Variants in VANGL1 observed in about 807,000 individuals in gnomAD.
VANGL1 encodes vang-like protein 1.
A neutral mutation model predicts 48.4 loss-of-function variants in VANGL1; 18 were observed. The ratio of observed to expected loss-of-function variants is 0.37; its 90% CI spans 0.26 to 0.55. The LOEUF is 0.55. Among genes scored for constraint, VANGL1 ranks in the 20% least tolerant of loss-of-function variants. The probability of loss-of-function intolerance (pLI) is 0.81; values close to 1 mark genes in which losing one functional copy is unlikely to be tolerated. For synonymous variants in VANGL1, 257 were observed against 261.8 expected, an observed-to-expected ratio of 0.98 and a Z score of 0.18; for missense variants, 667 against 675.8, an observed-to-expected ratio of 0.99 and a Z score of 0.14.
chr1:115,652,686 C>T (rs567702189), intron 2 of VANGL1, among the ~76,000 whole-genome samples: 5 of 152,262 alleles, frequency 3.3e-5, no homozygotes, highest in Non-Finnish European at 5.9e-5. Flanking sequence ...TCCCTGACTG[C>T]GCTCTTCCCC....
At chr1:115,679,368 G>A (rs1653286610) in intron 4 of VANGL1, among the ~76,000 whole-genome samples, 3 of 152,226 alleles carry the variant, frequency 2.0e-5, no homozygotes, top group Non-Finnish European at 4.4e-5. Flanking sequence ...ACCCAGGGCT[G>A]GCATCCCACA....
chr1:115,646,422 AT>A (rs1290287726), intron 1 of VANGL1, among the ~76,000 whole-genome samples: 1 of 147,472 alleles, frequency 6.8e-6, no homozygotes, highest in Non-Finnish European at 1.5e-5. Context: ...GCTGCTGCTG[AT>A]TTTTACTCAG....
At chr1:115,681,448 G>T (rs998081560) in intron 4 of VANGL1, among the ~76,000 whole-genome samples, 1 of 151,894 alleles carries the variant, frequency 6.6e-6, no homozygotes, top group Non-Finnish European at 1.5e-5. Flanking sequence ...ACTCCAAGGG[G>T]CAGGGGGACC....
chr1:115,655,706 C>T (rs1432498717), intron 2 of VANGL1, among the ~76,000 whole-genome samples: 1 of 152,156 alleles, frequency 6.6e-6, no homozygotes. Context: ...CTCTCCTGGT[C>T]TCCCATTTCC....
Position 115,685,563 on chromosome 1 carries a change from C to A in VANGL1, c.1314+36C>A, listed in dbSNP as rs541672946. 3.1e-5 allele frequency: 50 copies of A among 1,605,192 alleles called. No individual in the cohort carries two copies. The South Asian group carries it at 5.1e-4, about 16-fold the overall frequency. ...CCGGGCGGGCTCTGCCACCGTCATC[C>A]TGGCTTGTCACTGAGCTTGGCCAGT... On this transcript the variant is annotated intron_variant, in intron 7 of 7. Transcript: ENST00000355485.
chr1:115,642,620 T>C (rs1651775757), intron 1 of VANGL1: 1 of 152,178 alleles, frequency 6.6e-6, no homozygotes, highest in African/African-American at 2.4e-5. Context: ...AGCTGGTCTG[T>C]GTGCACACCT....
chr1:115,653,525 G>C (rs1230303557), intron 2 of VANGL1, among the ~76,000 whole-genome samples: 6 of 152,164 alleles, frequency 3.9e-5, no homozygotes, highest in Non-Finnish European at 8.8e-5. Context: ...TGGGTGCTTG[G>C]GGATGAACAA....
rs961390698 is a variant in VANGL1 at position 115,695,633 on chromosome 1, A to G, written c.*4254A>G. On this transcript the variant is annotated 3_prime_UTR_variant, in exon 8 of 8. Coordinates refer to ENST00000355485, the MANE Select transcript of VANGL1 (RefSeq NM_138959.3). Reference sequence around the variant, plus strand: ...TTGGTCAAAGAAAGGAAAGGCTACTAACACATTTATCAGGTAATGTATGTC... The same window carrying G: ...TTGGTCAAAGAAAGGAAAGGCTACTGACACATTTATCAGGTAATGTATGTC... 6.6e-6 allele frequency: 1 copy of G among 152,262 alleles called. No homozygotes were observed. The highest frequency in any genetic ancestry group is 1.5e-5 in the Non-Finnish European group (1 of 68,042). 9.4% of individuals were successfully genotyped at this position (152,262 alleles called of 1,614,324 possible). A position where few individuals can be genotyped will look rare whatever the true frequency, so the allele number is the denominator to read the frequency against.
In VANGL1 at chr1:115,692,073, C is replaced by A. The variant is rs41312690; in HGVS notation, c.*694C>A. ...CCTTTCCCAGCCCTGCAGCTGCCCA[C>A]CTGGCCTCCATGCCATCCTGCCCCC... On this transcript the variant is annotated 3_prime_UTR_variant, in exon 8 of 8. Transcript: ENST00000355485. 0.058 allele frequency: 8,941 copies of A among 153,640 alleles called. 305 individuals are homozygous for A. Among genetic ancestry groups the A allele is most frequent in the Admixed American group, 0.098 (1,503 of 15,310 alleles). 9.5% of individuals were successfully genotyped at this position (153,640 alleles called of 1,614,324 possible).
intron 1 of VANGL1, among the ~76,000 whole-genome samples, chr1:115,645,327 A>T (rs1046557180): frequency 6.6e-6 from 1 of 152,126 alleles, no homozygotes; most frequent in Non-Finnish European, 1.5e-5. Flanking sequence ...ATGCCATACA[A>T]CCCCTTCAGT....
At chr1:115,671,899 G>A (rs537829377) in intron 4 of VANGL1, among the ~76,000 whole-genome samples, 6 of 152,242 alleles carry the variant, frequency 3.9e-5, no homozygotes, top group South Asian at 2.1e-4. Flanking sequence ...AACTGGCTCA[G>A]CTCCTCAGGA....
At chr1:115,670,224 C>T (rs917030592) in intron 4 of VANGL1, among the ~76,000 whole-genome samples, 2 of 152,148 alleles carry the variant, frequency 1.3e-5, no homozygotes, top group Admixed American at 6.5e-5. Context: ...TGATCTTGGA[C>T]CCCCAACCTC....
chr1:115,681,990 A>G (rs546518263), intron 4 of VANGL1, among the ~76,000 whole-genome samples: 1 of 152,376 alleles, frequency 6.6e-6, no homozygotes, highest in Non-Finnish European at 1.5e-5. Context: ...AACCATTAGT[A>G]AGTCTCTTGC....
intron 3 of VANGL1, among the ~76,000 whole-genome samples, chr1:115,663,422 CAGAA>C (rs1202450846): frequency 6.6e-6 from 1 of 152,214 alleles, no homozygotes; most frequent in African/African-American, 2.4e-5. Context: ...GCCAAACAGA[CAGAA>C]AGATCACATT....
intron 4 of VANGL1, among the ~76,000 whole-genome samples, chr1:115,666,191 T>G (rs994740963): frequency 6.6e-6 from 1 of 152,152 alleles, no homozygotes; most frequent in African/African-American, 2.4e-5. Flanking sequence ...GGTGGTTTTG[T>G]TTTTTGGCCC....
chr1:115,691,132 G>T lies in VANGL1; in HGVS notation c.1328G>T (p.Arg443Leu), dbSNP rs554185566. 5 of 1,613,992 alleles carry T rather than the reference G, an allele frequency of 3.1e-6. No individual in the cohort carries two copies. In the Admixed American group the frequency reaches 5.0e-5, roughly 16 times the overall value. ...NGMTPKAFLE[R>L]YLSAGPTLQY... ...CTCTGCTTCCAGGCCTTCCTAGAAC[G>T]GTACCTCAGTGCGGGCCCCACCCTG... Residue 443 changes from arginine (R) to leucine (L), a missense_variant, in exon 8 of 8, where the codon CGG (arginine) becomes CTG (leucine). Transcript: ENST00000355485.
Position 115,665,934 on chromosome 1 carries a change from G to A in VANGL1, c.812+1666G>A, listed in dbSNP as rs377366511. On this transcript the variant is annotated intron_variant, in intron 4 of 7. Coordinates refer to ENST00000355485, the MANE Select transcript of VANGL1 (RefSeq NM_138959.3). Reference sequence around the variant, plus strand: ...CTCACAGTCACTTGGAAAGAGACCAGTGCACCGCTGTCTGGTGGACAGGTG... The same window carrying A: ...CTCACAGTCACTTGGAAAGAGACCAATGCACCGCTGTCTGGTGGACAGGTG... Among the ~76,000 whole-genome samples, 3 of 152,362 alleles carry A rather than the reference G, an allele frequency of 2.0e-5. No individual in the cohort carries two copies. The South Asian group carries it at 6.2e-4, about 32-fold the overall frequency.
At chr1:115,675,673 T>G (rs1304090294) in intron 4 of VANGL1, among the ~76,000 whole-genome samples, 2 of 152,082 alleles carry the variant, frequency 1.3e-5, no homozygotes, top group Non-Finnish European at 2.9e-5. Flanking sequence ...GCGCCTGTAA[T>G]CCCAGCTACT....
rs1257349474 is a variant in VANGL1 at position 115,689,666 on chromosome 1, A to G, written c.1315-1453A>G. On this transcript the variant is annotated intron_variant, in intron 7 of 7. Coordinates refer to ENST00000355485, the MANE Select transcript of VANGL1 (RefSeq NM_138959.3). ...AAAAAAAAGAGGATACTAGTTAAAA[A>G]CTGTTCTTCGCCAGGTGCAGTGGCT... 8.9e-5 allele frequency among the ~76,000 whole-genome samples: 12 copies of G among 134,370 alleles called. 1 individual carries two copies. In the South Asian group the frequency reaches 2.6e-3, roughly 29 times the overall value. The allele number at this position is 134,370 out of a possible 152,430, so 88.2% of individuals were successfully genotyped here.
Sources: gnomAD v4.1 joint callset for allele counts (sites outside exome capture counted in the v4.1 genomes callset) on GRCh38, gnomAD v4.1.1 for gene constraint, MANE v1.5 for transcripts, NCBI Gene and HGNC (gene_info 2026-07-23, HGNC 2026-07-21) for gene names.